The following SLC35D1 variants were observed in gnomAD, a reference collection of about 807,000 sequenced individuals.
SLC35D1 encodes the protein solute carrier family 35 member D1.
Under a neutral mutation model 46.7 loss-of-function variants are expected in SLC35D1, and 31 were observed. The ratio of observed to expected loss-of-function variants is 0.66; its 90% CI spans 0.50 to 0.90. The LOEUF (loss-of-function observed/expected upper bound fraction) is 0.90. Among genes scored for constraint, SLC35D1 ranks in the 40% least tolerant of loss-of-function variants. The pLI is 0.00. For missense variants in SLC35D1, 397 were observed against 426.2 expected, an observed-to-expected ratio of 0.93 and a Z score of 0.60; for synonymous variants, 195 against 164.6, an observed-to-expected ratio of 1.18 and a Z score of -1.41.
downstream of SLC35D1, among the ~76,000 whole-genome samples, chr1:66,996,647 G>A (rs1667241664): frequency 6.6e-6 from 1 of 152,186 alleles, no homozygotes; most frequent in South Asian, 2.1e-4. Flanking sequence ...GATGAGAACT[G>A]TAGGAAAGAA....
chr1:67,026,989 G>T (rs943308528), intron 8 of SLC35D1, among the ~76,000 whole-genome samples: 1 of 152,148 alleles, frequency 6.6e-6, no homozygotes, highest in African/African-American at 2.4e-5. Flanking sequence ...TCCCTCCCAC[G>T]ACACATGGGG....
At chr1:67,036,872 C>T (rs1329787361) in intron 8 of SLC35D1, among the ~76,000 whole-genome samples, 1 of 151,912 alleles carries the variant, frequency 6.6e-6, no homozygotes, top group Non-Finnish European at 1.5e-5. Context: ...TCCTTCCTTC[C>T]TGTCTTCCTT....
chr1:67,013,157 G>GATATATATATATATATGTATAT (rs964691631), intron 10 of SLC35D1, among the ~76,000 whole-genome samples: 10 of 29,810 alleles, frequency 3.4e-4, no homozygotes, highest in South Asian at 1.9e-3. Flanking sequence ...ATATCCTGGA[G>GATATATATATATATATGTATAT]ATATATATAT....
chr1:67,050,451 G>C lies in SLC35D1; in HGVS notation c.446C>G (p.Ala149Gly). The change falls in exon 5 of 12, where the codon GCT becomes GGT. Residue 149 changes from alanine (A) to glycine (G), a missense_variant. Coordinates refer to ENST00000235345, the MANE Select transcript of SLC35D1 (RefSeq NM_015139.3). ...RRFSILFTMF[A>G]EGVLLKKTFS... is the part of the protein sequence containing the mutation. ...AGCTCACTTGAGTAAAACTCCTTCA[G>C]CAAACATTGTAAACAGGATGGAGAA... The C allele has an allele frequency of 6.2e-7, 1 of 1,612,994 alleles. No homozygotes were observed. Among genetic ancestry groups the C allele is most frequent in the Non-Finnish European group, 8.5e-7 (1 of 1,179,464 alleles).
At chr1:67,050,382 G>T in intron 5 of SLC35D1, 51 bp downstream of exon 5, 2 of 1,322,964 alleles carry the variant, frequency 1.5e-6, no homozygotes, top group Non-Finnish European at 2.2e-6. Flanking sequence ...CATATGCTGG[G>T]CACCTTTTCA....
the SLC35D1 span, among the ~76,000 whole-genome samples, chr1:66,975,962 A>G: frequency 6.6e-6 from 1 of 151,682 alleles, no homozygotes; most frequent in Non-Finnish European, 1.5e-5. Context: ...ATTTATTTTA[A>G]CATGAATGCC....
chr1:66,983,944 T>C, the SLC35D1 span, among the ~76,000 whole-genome samples: 1 of 152,322 alleles, frequency 6.6e-6, no homozygotes, highest in East Asian at 1.9e-4. Flanking sequence ...CAGGCTGGTC[T>C]TGAACTCCTG....
rs764228619 is a variant in SLC35D1 at position 67,009,131 on chromosome 1, C to T, written c.913G>A (p.Gly305Arg). ...TTTGTCCACGTGAAAATATAATCTC[C>T]ACCAAAGACCATTCCAATATAAGTT... ...LITYIGMVFG[G>R]DYIFTWTNFI... Residue 305 changes from glycine to arginine, a missense_variant, in exon 11 of 12, where the codon GGA becomes AGA. Transcript: ENST00000235345. 1.3e-6 allele frequency: 2 copies of T among 1,494,214 alleles called. No homozygotes were observed. Among genetic ancestry groups the T allele is most frequent in the Non-Finnish European group, 1.9e-6 (2 of 1,075,786 alleles). The allele number at this position is 1,494,214 out of a possible 1,614,324, so 92.6% of individuals were successfully genotyped here.
chr1:67,013,049 G>A (rs1026224395), intron 10 of SLC35D1, among the ~76,000 whole-genome samples: 12 of 148,892 alleles, frequency 8.1e-5, no homozygotes, highest in Non-Finnish European at 1.6e-4. Flanking sequence ...TCTGACAATA[G>A]ATTTTAAAAG....
rs771376968 is a variant in SLC35D1, at chr1:67,052,046, G to A, written c.358C>T (p.Gln120Ter). The A allele has an allele frequency of 6.2e-7, 1 of 1,610,614 alleles. No individual in the cohort carries two copies. Among genetic ancestry groups the A allele is most frequent in the South Asian group, 1.1e-5 (1 of 90,998 alleles). ...FPLPLLYFGN[Q>*]ITGLFSTKKL... is the part of the protein sequence containing the mutation. ...TTTGTGCTGAACAGTCCCGTGATTT[G>A]GTTCCCAAAATATAGTAGAGGTAGT... is the stretch of plus-strand genomic sequence containing the variant. Residue 120 changes from glutamine (Q) to a stop codon, truncating the protein, a stop_gained, in exon 4 of 12, where the codon CAA becomes TAA. Transcript: ENST00000235345. LOFTEE classifies it high-confidence loss of function.
chr1:66,978,182 C>T, the SLC35D1 span, among the ~76,000 whole-genome samples: 3 of 145,828 alleles, frequency 2.1e-5, no homozygotes, highest in East Asian at 2.0e-4. Flanking sequence ...GGCAACAGAG[C>T]GAAACTCCAT....
intron 8 of SLC35D1, among the ~76,000 whole-genome samples, chr1:67,026,422 C>G (rs927772715): frequency 1.3e-5 from 2 of 152,080 alleles, no homozygotes; most frequent in South Asian, 2.1e-4. Context: ...CTTTCTCCCC[C>G]CTTGTAATGT....
chr1:67,014,319 A>G (rs1469623685), intron 10 of SLC35D1, among the ~76,000 whole-genome samples: 4 of 152,214 alleles, frequency 2.6e-5, no homozygotes, highest in African/African-American at 9.6e-5. Flanking sequence ...TATTTTCTCT[A>G]AAACACAATA....
At chr1:67,014,077 C>T (rs1667630606) in intron 10 of SLC35D1, among the ~76,000 whole-genome samples, 1 of 152,122 alleles carries the variant, frequency 6.6e-6, no homozygotes, top group African/African-American at 2.4e-5. Context: ...ACTACAGATA[C>T]TTTGTTGACC....
the SLC35D1 span, among the ~76,000 whole-genome samples, chr1:66,973,468 A>C: frequency 2.6e-5 from 4 of 152,044 alleles, no homozygotes; most frequent in African/African-American, 9.7e-5. Context: ...ATTTTCTAGG[A>C]GCTTCTGTGT....
chr1:67,036,710 CT>C (rs56674117), intron 8 of SLC35D1, among the ~76,000 whole-genome samples: 3,219 of 144,410 alleles, frequency 0.022, 109 homozygotes, highest in African/African-American at 0.072. Flanking sequence ...ATCACTGGGT[CT>C]TTTTTTTTTT....
At chr1:66,982,433 GA>G in the SLC35D1 span, among the ~76,000 whole-genome samples, 1 of 152,084 alleles carries the variant, frequency 6.6e-6, no homozygotes, top group Non-Finnish European at 1.5e-5. Context: ...TTCTCTCCAA[GA>G]AAAAGAGAAG....
chr1:67,020,414 C>T lies in SLC35D1; in HGVS notation c.831G>A (p.Thr277=), dbSNP rs764185366. The part of the protein sequence containing the change: ...FILMYATVLC[T]QYNSALTTTI... ...TAGTTGTAAGAGCAGAATTATACTG[C>T]GTGCAGAGTACTGTGGCGTACATTA... is the stretch of plus-strand genomic sequence containing the variant. Residue 277 remains threonine, a synonymous_variant, in exon 10 of 12, where the codon ACG becomes ACA. Transcript: ENST00000235345. 3.1e-6 allele frequency: 5 copies of T among 1,610,814 alleles called. No individual in the cohort carries two copies. Among genetic ancestry groups the T allele is most frequent in the Admixed American group, 1.7e-5 (1 of 59,992 alleles).
chr1:66,992,355 T>C, the SLC35D1 span, among the ~76,000 whole-genome samples: 9 of 152,280 alleles, frequency 5.9e-5, no homozygotes, highest in Non-Finnish European at 1.2e-4. Flanking sequence ...CTAACCTGTA[T>C]AGCAGCAACA....
Sources: allele counts gnomAD v4.1 joint callset (sites outside exome capture counted in the v4.1 genomes callset), GRCh38; gene constraint gnomAD v4.1.1; transcripts MANE v1.5; gene names NCBI Gene and HGNC (gene_info 2026-07-23, HGNC 2026-07-21).